SNTG1: variants seen among roughly 807,000 people sequenced by gnomAD.
SNTG1 encodes the protein gamma-1-syntrophin.
A neutral mutation model predicts 74.7 loss-of-function variants in SNTG1; 39 were observed. The ratio of observed to expected loss-of-function variants is 0.52; its 90% CI spans 0.40 to 0.68. The LOEUF (loss-of-function observed/expected upper bound fraction) is 0.68. Ranked by LOEUF, SNTG1 falls within the 30% of genes least tolerant of loss-of-function variation. The probability of loss-of-function intolerance (pLI) is 0.00; values close to 1 mark genes in which losing one functional copy is unlikely to be tolerated. For missense variants in SNTG1, 685 were observed against 609.5 expected, an observed-to-expected ratio of 1.12 and a Z score of -1.30; for synonymous variants, 254 against 217.1, an observed-to-expected ratio of 1.17 and a Z score of -1.49.
At chr8:50,423,942 A>G (rs1490179106) in intron 4 of SNTG1, among the ~76,000 whole-genome samples, 1 of 152,186 alleles carries the variant, frequency 6.6e-6, no homozygotes, top group Non-Finnish European at 1.5e-5. Context: ...TTGGAGACCC[A>G]AAGTTCTTCT....
intron 2 of SNTG1, among the ~76,000 whole-genome samples, chr8:50,183,742 C>T (rs1261379159): frequency 3.3e-5 from 5 of 152,134 alleles, no homozygotes. Flanking sequence ...TCGCCTTCAA[C>T]TTGTGACCCC....
intron 15 of SNTG1, among the ~76,000 whole-genome samples, chr8:50,674,858 C>T (rs1231155306): frequency 1.3e-5 from 2 of 151,430 alleles, no homozygotes; most frequent in Non-Finnish European, 3.0e-5. Flanking sequence ...GATTCTTGTA[C>T]ATTGCACCTT....
chr8:50,197,207 C>A (rs1401525589), intron 2 of SNTG1, among the ~76,000 whole-genome samples: 2 of 152,032 alleles, frequency 1.3e-5, no homozygotes, highest in Non-Finnish European at 2.9e-5. Flanking sequence ...ATTATTTGGT[C>A]TATGGAAAAC....
chr8:50,626,302 G>C (rs1363039660), intron 13 of SNTG1, among the ~76,000 whole-genome samples: 1 of 152,204 alleles, frequency 6.6e-6, no homozygotes, highest in African/African-American at 2.4e-5. Context: ...AACAAAGGCA[G>C]AAGTGCAAGT....
At chr8:50,568,118 A>G (rs150412534) in intron 12 of SNTG1, among the ~76,000 whole-genome samples, 4 of 152,150 alleles carry the variant, frequency 2.6e-5, no homozygotes, top group Non-Finnish European at 5.9e-5. Context: ...CTGTCTTTCT[A>G]TGCCTGGCTT....
intron 1 of SNTG1, among the ~76,000 whole-genome samples, chr8:49,951,644 A>T (rs564042288): frequency 1.9e-3 from 281 of 151,608 alleles, no homozygotes; most frequent in African/African-American, 6.5e-3. Context: ...GCATTGGGAG[A>T]TATACCTAAG....
chr8:50,621,502 T>G (rs1384828), intron 13 of SNTG1, among the ~76,000 whole-genome samples: 34,360 of 152,178 alleles, frequency 0.23, 8,684 homozygotes, highest in African/African-American at 0.62. Context: ...TAGCTTAGAG[T>G]TAATAAAAAG....
intron 15 of SNTG1, among the ~76,000 whole-genome samples, chr8:50,674,750 T>G (rs930945573): frequency 2.0e-5 from 3 of 152,116 alleles, no homozygotes; most frequent in Non-Finnish European, 1.5e-5. Context: ...CTTTTAATTG[T>G]GATGTTAGGG....
At chr8:50,398,558 T>C (rs904676439) in intron 3 of SNTG1, among the ~76,000 whole-genome samples, 1 of 152,250 alleles carries the variant, frequency 6.6e-6, no homozygotes, top group Non-Finnish European at 1.5e-5. Flanking sequence ...CCTTCCCTCA[T>C]GAATATTAAA....
At chr8:50,510,621 A>C (rs9969451) in intron 9 of SNTG1, among the ~76,000 whole-genome samples, 1 of 152,140 alleles carries the variant, frequency 6.6e-6, no homozygotes, top group South Asian at 2.1e-4. Context: ...AAGAGATTCA[A>C]CTTCTTCCTG....
At chr8:50,344,311 A>G (rs1258196830) in intron 2 of SNTG1, among the ~76,000 whole-genome samples, 1 of 152,200 alleles carries the variant, frequency 6.6e-6, no homozygotes, top group Non-Finnish European at 1.5e-5. Flanking sequence ...GAGAAGATTT[A>G]TTTAGCTCAG....
At chr8:49,975,530 A>G (rs1004924889) in intron 1 of SNTG1, among the ~76,000 whole-genome samples, 8 of 151,584 alleles carry the variant, frequency 5.3e-5, no homozygotes, top group Admixed American at 2.0e-4. Flanking sequence ...CAATCTGATA[A>G]TTTTTTTTTC....
intron 8 of SNTG1, among the ~76,000 whole-genome samples, chr8:50,492,730 T>C (rs2093868713): frequency 6.6e-6 from 1 of 152,220 alleles, no homozygotes; most frequent in African/African-American, 2.4e-5. Context: ...AGAAGCTCTT[T>C]AGTTTAATGA....
intron 2 of SNTG1, among the ~76,000 whole-genome samples, chr8:50,242,403 C>A (rs1334931896): frequency 6.6e-6 from 1 of 151,358 alleles, no homozygotes; most frequent in Non-Finnish European, 1.5e-5. Context: ...TGGTGTGTGC[C>A]TGTAATCCCA....
intron 12 of SNTG1, among the ~76,000 whole-genome samples, chr8:50,584,680 A>G (rs1308041353): frequency 6.6e-6 from 1 of 151,944 alleles, no homozygotes; most frequent in Non-Finnish European, 1.5e-5. Context: ...GTAGCCCTCT[A>G]GGTTTTAGTT....
At chr8:50,229,662 T>A (rs543467320) in intron 2 of SNTG1, among the ~76,000 whole-genome samples, 1 of 151,240 alleles carries the variant, frequency 6.6e-6, no homozygotes, top group African/African-American at 2.4e-5. Flanking sequence ...TCACCCTTTT[T>A]TTTAAGTAAC....
intron 9 of SNTG1, among the ~76,000 whole-genome samples, chr8:50,513,922 C>T (rs1383785627): frequency 1.3e-5 from 2 of 152,174 alleles, no homozygotes; most frequent in African/African-American, 2.4e-5. Context: ...ACCCACTCTC[C>T]TGCACCCACT....
intron 15 of SNTG1, among the ~76,000 whole-genome samples, chr8:50,697,308 C>T (rs1006018039): frequency 6.6e-6 from 1 of 151,992 alleles, no homozygotes; most frequent in Admixed American, 6.6e-5. Flanking sequence ...ATTTATTCAT[C>T]GAAAATAAAA....
At chr8:50,233,784 TAAG>T (rs2085754237) in intron 2 of SNTG1, among the ~76,000 whole-genome samples, 1 of 151,392 alleles carries the variant, frequency 6.6e-6, no homozygotes, top group African/African-American at 2.4e-5. Context: ...GGATGGCAAA[TAAG>T]CACCTGATAG....
Sources: allele counts gnomAD v4.1 joint callset (sites outside exome capture counted in the v4.1 genomes callset), GRCh38; gene constraint gnomAD v4.1.1; transcripts MANE v1.5; gene names NCBI Gene and HGNC (gene_info 2026-07-23, HGNC 2026-07-21).